The following SERPINB6 variants were observed in gnomAD, a reference collection of about 807,000 sequenced individuals.
The protein encoded by SERPINB6 is serpin family B member 6.
In SERPINB6, 16 loss-of-function variants were observed where a neutral mutation model predicts 26.1. That is an observed-to-expected ratio of 0.61 (90% CI 0.42 to 0.93). The LOEUF is 0.93. Ranked by LOEUF, SERPINB6 falls within the 40% of genes least tolerant of loss-of-function variation. SERPINB6 has a pLI of 0.00. For missense variants in SERPINB6, 420 were observed against 478.0 expected (o/e 0.88, Z 1.13); for synonymous variants, 174 against 176.6 (o/e 0.99, Z 0.11).
At chr6:2,971,194 G>C (rs2113378357) in intron 1 of SERPINB6, 1 of 988,194 alleles carries the variant, frequency 1.0e-6, no homozygotes, top group African/African-American at 1.7e-5. Flanking sequence ...TGGGCGCCCG[G>C]GGTCCTCGGG....
At chr6:2,968,307 G>C (rs764660238) in intron 1 of SERPINB6, 4 of 172,720 alleles carry the variant, frequency 2.3e-5, no homozygotes, top group Non-Finnish European at 3.4e-5. Context: ...AGAGGGTGGA[G>C]GGTGAAGGGT....
At chr6:2,968,206 A>T (rs2326104) in intron 1 of SERPINB6, 125,567 of 152,258 alleles carry the variant, frequency 0.82, 51,946 homozygotes, top group East Asian at 0.94. Context: ...GGGAACAGAA[A>T]ACCAAATACC....
chr6:2,955,222 A>G (rs1240574106), intron 3 of SERPINB6: 2 of 380,018 alleles, frequency 5.3e-6, no homozygotes, highest in Non-Finnish European at 9.5e-6. Context: ...AAAAGCAAAA[A>G]ACACTAAGTT....
rs1770384063 is a variant in SERPINB6, at chr6:2,955,639, C to T, written c.197G>A (p.Gly66Glu). Residue 66 changes from glycine (G) to glutamate (E), a missense_variant, in exon 3 of 7, where the codon GGA (glycine) becomes GAA (glutamate). By Grantham distance (98) the Gly-to-Glu change is moderately conservative (BLOSUM62 -2). Coordinates refer to ENST00000380539, the MANE Select transcript of SERPINB6 (RefSeq NM_004568.6). ...ILSFNKSGGGGDIHQGFQSLL... is the reference protein window; with the variant it reads ...ILSFNKSGGGEDIHQGFQSLL... ...AGACTGGAAGCCCTGGTGGATGTCT[C>T]CACCACCGCCACTTTTATTGAAAGA... 1 of 1,614,024 alleles carries T rather than the reference C, an allele frequency of 6.2e-7. No individual in the cohort carries two copies. Among genetic ancestry groups the T allele is most frequent in the African/African-American group, 1.3e-5 (1 of 74,934 alleles).
At chr6:2,957,609 TG>T (rs1355027694) in intron 2 of SERPINB6, 2 of 151,950 alleles carry the variant, frequency 1.3e-5, no homozygotes, top group African/African-American at 2.4e-5. Context: ...AGGATGGCGG[TG>T]GGGGTGCTTT....
At chr6:2,955,256 G>A (rs573755509) in intron 3 of SERPINB6, 3 of 439,294 alleles carry the variant, frequency 6.8e-6, no homozygotes, top group Non-Finnish European at 1.2e-5. Context: ...AATATCAAAC[G>A]AACTTCACCA....
intron 2 of SERPINB6, 83 bp from the exon 3 acceptor site, chr6:2,955,753 C>A: frequency 6.7e-7 from 1 of 1,487,400 alleles, no homozygotes; most frequent in Middle Eastern, 2.0e-4. Context: ...CTCAGCCTAA[C>A]AACCATCCAG....
At chr6:2,959,389 C>T (rs551440200) in intron 1 of SERPINB6, 47 bp from the exon 2 acceptor site, 35 of 1,595,562 alleles carry the variant, frequency 2.2e-5, no homozygotes, top group East Asian at 2.2e-5. Context: ...AGCTTCCACG[C>T]GACTGCATCT....
chr6:2,968,042 A>G (rs926144940), intron 1 of SERPINB6: 5 of 152,268 alleles, frequency 3.3e-5, no homozygotes, highest in African/African-American at 1.2e-4. Context: ...AAGACATGGA[A>G]TCAACCTAAA....
intron 1 of SERPINB6, among the ~76,000 whole-genome samples, chr6:2,962,792 T>C (rs1184897318): frequency 1.3e-5 from 2 of 152,202 alleles, no homozygotes; most frequent in Non-Finnish European, 2.9e-5. Context: ...AATAACTGAA[T>C]ATCCTACTCC....
In SERPINB6 at chr6:2,948,781, AC is replaced by A; in HGVS notation, c.730-83del. 6.4e-7 allele frequency: 1 copy of A among 1,561,512 alleles called. No individual in the cohort carries two copies. ...CTGTGCTATGCTGTGGATGCCAGAC[AC>A]CAGTGGCAGCGTGGCTATGGTCAGC... On this transcript the variant is annotated intron_variant, in intron 6 of 6. Coordinates refer to ENST00000380539, the MANE Select transcript of SERPINB6 (RefSeq NM_004568.6). This position sits in a 1 kb window ranked among gnomAD's most constrained non-coding sequence, Gnocchi z 5.0.
Position 2,948,909 on chromosome 6 carries a change from G to A in SERPINB6, c.729+5C>T. ...AGCACGCCTCGCTCACAGCTTAGCT[G>A]TTACCGTTCTCAAGTCAGTGGTCTC... On this transcript the variant is annotated splice_donor_5th_base_variant and intron_variant, in intron 6 of 6. Transcript: ENST00000380539. The surrounding 1 kb of genome is among the most constrained non-coding windows in gnomAD (Gnocchi z 5.0). The A allele has an allele frequency of 6.2e-7, 1 of 1,614,204 alleles. No individual in the cohort carries two copies. Among genetic ancestry groups the A allele is most frequent in the South Asian group, 1.1e-5 (1 of 91,090 alleles).
Position 2,949,153 on chromosome 6 carries a change from G to T in SERPINB6, c.574-84C>A. The T allele has an allele frequency of 3.4e-6, 5 of 1,490,978 alleles. No individual in the cohort carries two copies. In the South Asian group the frequency reaches 3.5e-5, roughly 10 times the overall value. The allele number at this position is 1,490,978 out of a possible 1,614,324, so 92.4% of individuals were successfully genotyped here. ...AATGTGTCGGAGCTGGCCACTCTCTGCAGGGAGAAACGCAGCTCGGTTTCT... is the reference window on the plus strand; with the variant it reads ...AATGTGTCGGAGCTGGCCACTCTCTTCAGGGAGAAACGCAGCTCGGTTTCT... On this transcript the variant is annotated intron_variant, in intron 5 of 6. Coordinates refer to ENST00000380539, the MANE Select transcript of SERPINB6 (RefSeq NM_004568.6).
chr6:2,957,613 G>T (rs181205606), intron 2 of SERPINB6: 1 of 152,290 alleles, frequency 6.6e-6, no homozygotes, highest in African/African-American at 2.4e-5. Context: ...TGGCGGTGGG[G>T]GTGCTTTTGT....
intron 5 of SERPINB6, 30 bp from the exon 6 acceptor site, chr6:2,949,099 G>T: frequency 6.2e-7 from 1 of 1,610,938 alleles, no homozygotes; most frequent in South Asian, 1.1e-5. Flanking sequence ...ACATCAAGTT[G>T]AAACAAGACC....
chr6:2,969,440 TA>T (rs924475434), intron 1 of SERPINB6: 2 of 967,422 alleles, frequency 2.1e-6, no homozygotes, highest in Non-Finnish European at 2.5e-6. Flanking sequence ...CATTTAAAAA[TA>T]AAAAATGATA....
chr6:2,949,181 C>G, intron 5 of SERPINB6, 112 bp from the exon 6 acceptor site: 1 of 1,209,892 alleles, frequency 8.3e-7, no homozygotes, highest in Non-Finnish European at 1.2e-6. Flanking sequence ...CGGTTTCTCC[C>G]CAGCTTCCAG....
chr6:2,949,644 G>A (rs2113111846), intron 5 of SERPINB6, among the ~76,000 whole-genome samples: 1 of 152,286 alleles, frequency 6.6e-6, no homozygotes, highest in South Asian at 2.1e-4. Context: ...TTCTGCCTCT[G>A]CTGCTACCAG....
intron 4 of SERPINB6, among the ~76,000 whole-genome samples, chr6:2,954,355 C>T (rs1239663006): frequency 6.6e-6 from 1 of 152,152 alleles, no homozygotes; most frequent in African/African-American, 2.4e-5. Flanking sequence ...ATACCAAACA[C>T]TGAAAGGCAT....
Sources: allele counts gnomAD v4.1 joint callset (sites outside exome capture counted in the v4.1 genomes callset), GRCh38; gene constraint gnomAD v4.1.1; non-coding constraint Gnocchi (gnomAD v3.1); transcripts MANE v1.5; gene names NCBI Gene and HGNC (gene_info 2026-07-23, HGNC 2026-07-21).